Variants in ENDOD1 observed in about 807,000 individuals in gnomAD.
The protein encoded by ENDOD1 is endonuclease domain-containing 1 protein.
ENDOD1 carries 9 observed loss-of-function variants against 6.5 expected under a neutral mutation model. The ratio of observed to expected loss-of-function variants is 1.39; its 90% CI spans 0.84 to 2.43. The LOEUF (loss-of-function observed/expected upper bound fraction) is 2.43, where lower values mean the gene tolerates loss of function less well. Ranked by LOEUF, ENDOD1 falls within the 30% of genes most tolerant of loss-of-function variation. The probability of loss-of-function intolerance (pLI) is 0.00; values close to 1 mark genes in which losing one functional copy is unlikely to be tolerated. For synonymous variants in ENDOD1, 255 were observed against 255.2 expected, an observed-to-expected ratio of 1.00 and a Z score of 0.01; for missense variants, 648 against 635.5, an observed-to-expected ratio of 1.02 and a Z score of -0.21.
At chr11:95,110,955 G>A (rs948574215) in intron 1 of ENDOD1, among the ~76,000 whole-genome samples, 61 of 152,122 alleles carry the variant, frequency 4.0e-4, no homozygotes, top group African/African-American at 1.3e-3. Context: ...TCAGAGAAAC[G>A]GCTTGTGAAG....
chr11:95,106,722 A>T (rs1353187408), intron 1 of ENDOD1, among the ~76,000 whole-genome samples: 1 of 152,080 alleles, frequency 6.6e-6, no homozygotes, highest in African/African-American at 2.4e-5. Context: ...CGATTTGTGG[A>T]TAATTCCTCT....
At chr11:95,108,094 C>A (rs765878835) in intron 1 of ENDOD1, among the ~76,000 whole-genome samples, 1 of 152,328 alleles carries the variant, frequency 6.6e-6, no homozygotes, top group East Asian at 1.9e-4. Flanking sequence ...TCACACAGGG[C>A]TTTCTTGCCT....
chr11:95,118,803 C>A (rs1555112715), intron 1 of ENDOD1, among the ~76,000 whole-genome samples: 1 of 152,110 alleles, frequency 6.6e-6, no homozygotes, highest in Non-Finnish European at 1.5e-5. Flanking sequence ...AGATTTGCCC[C>A]TTTGAGGCTA....
chr11:95,123,994 C>A (rs1859287552), intron 1 of ENDOD1, among the ~76,000 whole-genome samples: 1 of 151,926 alleles, frequency 6.6e-6, no homozygotes, highest in Non-Finnish European at 1.5e-5. Context: ...AACTCATCAG[C>A]AGAAATTGCA....
intron 1 of ENDOD1, among the ~76,000 whole-genome samples, chr11:95,102,437 C>A (rs1555110984): frequency 6.6e-6 from 1 of 150,476 alleles, no homozygotes; most frequent in African/African-American, 2.5e-5. Context: ...TTTGGGAGGC[C>A]GAGGCAGGTG....
At chr11:95,096,791 AG>A (rs780520542) in intron 1 of ENDOD1, among the ~76,000 whole-genome samples, 68 of 152,290 alleles carry the variant, frequency 4.5e-4, no homozygotes, top group Non-Finnish European at 7.6e-4. Flanking sequence ...CTGGAAAGAG[AG>A]CAGTGGTTAC....
chr11:95,093,497 A>G (rs1176182882), intron 1 of ENDOD1, among the ~76,000 whole-genome samples: 2 of 152,108 alleles, frequency 1.3e-5, no homozygotes, highest in Non-Finnish European at 1.5e-5. Context: ...TCACCCCTTC[A>G]GTGCTCTTAT....
At chr11:95,100,434 G>A (rs1003445524) in intron 1 of ENDOD1, among the ~76,000 whole-genome samples, 4 of 152,038 alleles carry the variant, frequency 2.6e-5, no homozygotes, top group East Asian at 1.9e-4. Context: ...GCCTTATCTG[G>A]TTTCACTCAA....
intron 1 of ENDOD1, among the ~76,000 whole-genome samples, chr11:95,103,765 G>T (rs782463152): frequency 9.9e-5 from 15 of 152,196 alleles, no homozygotes; most frequent in Non-Finnish European, 1.9e-4. Context: ...CTAATAAATT[G>T]TCCCTCTCCT....
chr11:95,100,030 A>C (rs1432397463), intron 1 of ENDOD1, among the ~76,000 whole-genome samples: 1 of 152,146 alleles, frequency 6.6e-6, no homozygotes, highest in East Asian at 1.9e-4. Context: ...ACCATAAAAA[A>C]CTTTTATTCT....
chr11:95,118,052 C>G (rs1555112639), intron 1 of ENDOD1, among the ~76,000 whole-genome samples: 1 of 152,166 alleles, frequency 6.6e-6, no homozygotes, highest in Non-Finnish European at 1.5e-5. Flanking sequence ...AATAAAAACT[C>G]TACACCTTAA....
intron 1 of ENDOD1, among the ~76,000 whole-genome samples, chr11:95,110,898 A>C (rs1555111862): frequency 6.6e-6 from 1 of 152,188 alleles, no homozygotes. Flanking sequence ...GATGCTGGGA[A>C]GGGAGTTAAA....
rs530292257 is a variant in ENDOD1 at position 95,128,831 on chromosome 11, A to C, written c.755A>C (p.Lys252Thr). The C allele has an allele frequency of 1.2e-6, 2 of 1,614,190 alleles. No individual in the cohort carries two copies. The highest frequency in any genetic ancestry group is 2.7e-5 in the African/African-American group (2 of 75,058). ...DSDIIEDVMV[K>T]DLQKLLPFNP... is the part of the protein sequence containing the mutation. ...GACATCATAGAAGATGTGATGGTAA[A>C]AGATCTTCAGAAACTGCTTCCATTT... The change falls in exon 2 of 2, where the codon AAA becomes ACA. Residue 252 changes from lysine (K) to threonine (T), a missense_variant. Transcript: ENST00000278505.
intron 1 of ENDOD1, among the ~76,000 whole-genome samples, chr11:95,112,030 C>G (rs369545506): frequency 5.3e-5 from 8 of 152,224 alleles, no homozygotes; most frequent in Non-Finnish European, 1.0e-4. Context: ...CCAGTCACTT[C>G]CACCAGCTGT....
chr11:95,128,514 A>G lies in ENDOD1; in HGVS notation c.438A>G (p.Pro146=), dbSNP rs1270497471. The change falls in exon 2 of 2, where the codon CCA becomes CCG. Residue 146 remains proline, a synonymous_variant. Transcript: ENST00000278505. ...DSDYQRGQLY[P]FSLSSDVQVA... ...ATTACCAAAGAGGACAGCTTTACCCATTCTCCCTTAGCAGTGATGTCCAGG... is the reference window on the plus strand; with the variant it reads ...ATTACCAAAGAGGACAGCTTTACCCGTTCTCCCTTAGCAGTGATGTCCAGG... 4.3e-6 allele frequency: 7 copies of G among 1,614,108 alleles called. No individual in the cohort carries two copies. Among genetic ancestry groups the G allele is most frequent in the African/African-American group, 4.0e-5 (3 of 74,928 alleles).
chr11:95,097,100 A>G (rs966927578), intron 1 of ENDOD1, among the ~76,000 whole-genome samples: 1 of 149,580 alleles, frequency 6.7e-6, no homozygotes, highest in African/African-American at 2.5e-5. Context: ...GGCTGTGGTG[A>G]GCTGAGATCA....
intron 1 of ENDOD1, among the ~76,000 whole-genome samples, chr11:95,092,478 A>G (rs1429610715): frequency 6.6e-6 from 1 of 152,084 alleles, no homozygotes; most frequent in African/African-American, 2.4e-5. Flanking sequence ...ATTAAAGAAG[A>G]TGGGAAGGGA....
At chr11:95,105,833 C>G (rs1321729640) in intron 1 of ENDOD1, among the ~76,000 whole-genome samples, 1 of 152,072 alleles carries the variant, frequency 6.6e-6, no homozygotes, top group Non-Finnish European at 1.5e-5. Flanking sequence ...GTTGTGGAAT[C>G]CATGGATGCA....
At chr11:95,118,552 A>G (rs1443961372) in intron 1 of ENDOD1, among the ~76,000 whole-genome samples, 4 of 152,034 alleles carry the variant, frequency 2.6e-5, no homozygotes, top group African/African-American at 7.3e-5. Context: ...GCTCCATTGT[A>G]TTTTATATGT....
Sources: allele counts gnomAD v4.1 joint callset (sites outside exome capture counted in the v4.1 genomes callset), GRCh38; gene constraint gnomAD v4.1.1; transcripts MANE v1.5; gene names NCBI Gene and HGNC (gene_info 2026-07-23, HGNC 2026-07-21).